The following FGF12 variants were observed in gnomAD, a reference collection of about 807,000 sequenced individuals.
FGF12 encodes the protein fibroblast growth factor 12.
FGF12 carries 14 observed loss-of-function variants against 23.6 expected under a neutral mutation model. That is an observed-to-expected ratio of 0.59 (90% CI 0.39 to 0.93). The LOEUF (loss-of-function observed/expected upper bound fraction) is 0.93, where lower values mean the gene tolerates loss of function less well. Among genes scored for constraint, FGF12 ranks in the 40% least tolerant of loss-of-function variants. FGF12 has a pLI of 0.00. For missense variants in FGF12, 175 were observed against 217.8 expected (o/e 0.80, Z 1.24); for synonymous variants, 62 against 77.3 (o/e 0.80, Z 1.04).
chr3:192,257,077 G>A (rs1712442134), intron 4 of FGF12, among the ~76,000 whole-genome samples: 2 of 152,168 alleles, frequency 1.3e-5, no homozygotes, highest in East Asian at 1.9e-4. Flanking sequence ...AACTGTAAGA[G>A]CAATCTGTGC....
intron 4 of FGF12, among the ~76,000 whole-genome samples, chr3:192,172,072 G>A (rs1406392725): frequency 6.6e-6 from 1 of 152,000 alleles, no homozygotes; most frequent in Non-Finnish European, 1.5e-5. Flanking sequence ...CAACATTATA[G>A]ACGAAGAAAA....
intron 2 of FGF12, among the ~76,000 whole-genome samples, chr3:192,529,933 T>A (rs1463029027): frequency 6.6e-6 from 1 of 151,694 alleles, no homozygotes; most frequent in Non-Finnish European, 1.5e-5. Flanking sequence ...GTGAGGTGCA[T>A]GAGAAATGTT....
intron 2 of FGF12, among the ~76,000 whole-genome samples, chr3:192,410,372 A>G (rs1721159315): frequency 6.6e-6 from 1 of 152,116 alleles, no homozygotes; most frequent in African/African-American, 2.4e-5. Flanking sequence ...TCTCAGAGGC[A>G]GAGCGAGGGA....
In FGF12 at chr3:192,598,310, A is replaced by T. The variant is rs144984195; in HGVS notation, c.13+128871T>A. On this transcript the variant is annotated intron_variant, in intron 2 of 5. Coordinates refer to ENST00000445105, the MANE Select transcript of FGF12 (RefSeq NM_004113.6). ...GCATTATTGGAAAAGAATATTTTAT[A>T]CTGTCGAGGGGCTAGAGGCTGGCTT... Among the ~76,000 whole-genome samples, 618 of 152,322 alleles carry T rather than the reference A, an allele frequency of 4.1e-3. 9 individuals are homozygous for T. Among genetic ancestry groups the T allele is most frequent in the Admixed American group, 0.014 (213 of 15,290 alleles).
chr3:192,200,771 T>C (rs1717326446), intron 4 of FGF12, among the ~76,000 whole-genome samples: 1 of 152,178 alleles, frequency 6.6e-6, no homozygotes, highest in Non-Finnish European at 1.5e-5. Context: ...TACAGCACCA[T>C]AGATTTAGTT....
intron 2 of FGF12, among the ~76,000 whole-genome samples, chr3:192,685,430 C>T (rs1717696613): frequency 6.6e-6 from 1 of 152,208 alleles, no homozygotes. Flanking sequence ...ACTCAACAAG[C>T]ATTTGAGTGC....
chr3:192,524,231 A>G (rs948267215), intron 2 of FGF12, among the ~76,000 whole-genome samples: 23 of 152,216 alleles, frequency 1.5e-4, no homozygotes, highest in African/African-American at 5.1e-4. Context: ...CTTACTTGAT[A>G]ATAGGCATAG....
At chr3:192,714,019 C>T (rs1315897145) in intron 2 of FGF12, among the ~76,000 whole-genome samples, 1 of 152,182 alleles carries the variant, frequency 6.6e-6, no homozygotes. Context: ...GCGATGATTT[C>T]GTACCAGAGC....
intron 5 of FGF12, among the ~76,000 whole-genome samples, chr3:192,147,373 T>A (rs1443233901): frequency 6.6e-6 from 1 of 152,126 alleles, no homozygotes; most frequent in Non-Finnish European, 1.5e-5. Context: ...ATAAAGTACC[T>A]CCCTTCAGTA....
At chr3:192,339,518 C>G (rs1415130031) in intron 3 of FGF12, among the ~76,000 whole-genome samples, 1 of 152,148 alleles carries the variant, frequency 6.6e-6, no homozygotes, top group Admixed American at 6.6e-5. Context: ...CTGCTGTAAC[C>G]GGCTTCACAG....
intron 2 of FGF12, among the ~76,000 whole-genome samples, chr3:192,552,202 G>A (rs1258688522): frequency 6.6e-6 from 1 of 151,526 alleles, no homozygotes; most frequent in Non-Finnish European, 1.5e-5. Flanking sequence ...TTGAAAACAT[G>A]TGAATATAAA....
intron 2 of FGF12, among the ~76,000 whole-genome samples, chr3:192,638,720 T>G (rs925736000): frequency 4.6e-5 from 7 of 152,262 alleles, no homozygotes; most frequent in African/African-American, 1.7e-4. Context: ...ATTAGTTCTC[T>G]GTTTTATAGA....
chr3:192,273,306 G>A (rs1713564655), intron 4 of FGF12, among the ~76,000 whole-genome samples: 1 of 152,052 alleles, frequency 6.6e-6, no homozygotes, highest in African/African-American at 2.4e-5. Flanking sequence ...CCACTATAGT[G>A]GAAAAGGGAA....
chr3:192,343,319 C>G (rs1359422513), intron 3 of FGF12, among the ~76,000 whole-genome samples: 2 of 152,138 alleles, frequency 1.3e-5, no homozygotes, highest in African/African-American at 4.8e-5. Context: ...TCATTTCCCA[C>G]ATCTCAAAAT....
intron 4 of FGF12, among the ~76,000 whole-genome samples, chr3:192,187,937 G>C (rs1338346610): frequency 6.6e-6 from 1 of 152,162 alleles, no homozygotes; most frequent in East Asian, 1.9e-4. Flanking sequence ...AACAGTAGCA[G>C]ATCTATGTAT....
chr3:192,400,119 C>T (rs960203435), intron 2 of FGF12, among the ~76,000 whole-genome samples: 1 of 152,156 alleles, frequency 6.6e-6, no homozygotes, highest in African/African-American at 2.4e-5. Flanking sequence ...AATTATGAGG[C>T]ATTAACATAA....
At chr3:192,156,218 AG>A (rs1414236196) in intron 5 of FGF12, among the ~76,000 whole-genome samples, 17 of 152,304 alleles carry the variant, frequency 1.1e-4, no homozygotes, top group Admixed American at 1.0e-3. Context: ...ACAAAGAAAC[AG>A]AAACTCCCTA....
intron 2 of FGF12, among the ~76,000 whole-genome samples, chr3:192,506,474 G>A (rs904345621): frequency 1.3e-5 from 2 of 152,092 alleles, no homozygotes; most frequent in East Asian, 1.9e-4. Context: ...AGGTTCAAGC[G>A]ATTCTCCTGC....
At chr3:192,482,451 T>C (rs1028433569) in intron 2 of FGF12, among the ~76,000 whole-genome samples, 1 of 151,870 alleles carries the variant, frequency 6.6e-6, no homozygotes, top group Non-Finnish European at 1.5e-5. Context: ...CTGACCAACA[T>C]GGAGACAACC....
Sources: allele counts gnomAD v4.1 joint callset (sites outside exome capture counted in the v4.1 genomes callset), GRCh38; gene constraint gnomAD v4.1.1; transcripts MANE v1.5; gene names NCBI Gene and HGNC (gene_info 2026-07-23, HGNC 2026-07-21).